The following WDR7 variants were observed in gnomAD, a reference collection of about 807,000 sequenced individuals.
WDR7 encodes WD repeat-containing protein 7.
A neutral mutation model predicts 169.4 loss-of-function variants in WDR7; 46 were observed. The ratio of observed to expected loss-of-function variants is 0.27; its 90% confidence interval spans 0.21 to 0.35. The LOEUF is 0.35. Among genes scored for constraint, WDR7 ranks in the 10% least tolerant of loss-of-function variants. The pLI is 1.00. For synonymous variants in WDR7, 612 were observed against 666.8 expected, an observed-to-expected ratio of 0.92 and a Z score of 1.27; for missense variants, 1,534 against 1,859.3, an observed-to-expected ratio of 0.83 and a Z score of 3.22.
intron 1 of WDR7, among the ~76,000 whole-genome samples, chr18:56,669,090 A>G (rs2025080316): frequency 6.6e-6 from 1 of 152,154 alleles, no homozygotes; most frequent in African/African-American, 2.4e-5. Flanking sequence ...TAGAAGGGCC[A>G]GGATTTGAAT....
intron 20 of WDR7, among the ~76,000 whole-genome samples, chr18:56,841,057 G>A (rs972598804): frequency 6.6e-6 from 1 of 151,814 alleles, no homozygotes; most frequent in Non-Finnish European, 1.5e-5. Context: ...GCTAGGCTTG[G>A]TGGTGGGCAC....
intron 19 of WDR7, among the ~76,000 whole-genome samples, chr18:56,804,561 A>T (rs1239183252): frequency 5.9e-5 from 9 of 152,224 alleles, no homozygotes; most frequent in African/African-American, 1.4e-4. Flanking sequence ...TCATATGGAT[A>T]TAACAGTTAT....
At chr18:56,658,816 G>A (rs2024836973) in intron 1 of WDR7, among the ~76,000 whole-genome samples, 1 of 151,988 alleles carries the variant, frequency 6.6e-6, no homozygotes, top group Admixed American at 6.6e-5. Context: ...GGGTTCAAGC[G>A]ATTCTCCTGC....
chr18:56,778,224 C>G (rs2044268226), intron 17 of WDR7, among the ~76,000 whole-genome samples: 1 of 152,126 alleles, frequency 6.6e-6, no homozygotes, highest in Non-Finnish European at 1.5e-5. Flanking sequence ...GTCAGTCTGT[C>G]TCTCTCCCGC....
At chr18:56,809,419 A>G (rs898069748) in intron 19 of WDR7, among the ~76,000 whole-genome samples, 5 of 152,168 alleles carry the variant, frequency 3.3e-5, no homozygotes, top group Non-Finnish European at 7.4e-5. Flanking sequence ...TATTTTGGAA[A>G]TACTCAGAAA....
intron 1 of WDR7, among the ~76,000 whole-genome samples, chr18:56,660,040 A>G (rs1310052826): frequency 2.0e-5 from 3 of 152,168 alleles, no homozygotes; most frequent in African/African-American, 7.2e-5. Flanking sequence ...TTGAAGGTAT[A>G]GCCAGTGGAG....
intron 1 of WDR7, among the ~76,000 whole-genome samples, chr18:56,672,268 T>A (rs2025152029): frequency 6.6e-6 from 1 of 152,218 alleles, no homozygotes; most frequent in South Asian, 2.1e-4. Flanking sequence ...TATTTCGTTA[T>A]TTCTTTCTTT....
intron 20 of WDR7, among the ~76,000 whole-genome samples, chr18:56,831,371 T>C (rs2045305200): frequency 6.6e-6 from 1 of 152,128 alleles, no homozygotes. Context: ...GGGGACTAGC[T>C]GGAATGAATA....
intron 21 of WDR7, among the ~76,000 whole-genome samples, chr18:56,915,886 G>A (rs1051992227): frequency 2.0e-5 from 3 of 152,142 alleles, no homozygotes; most frequent in Admixed American, 1.3e-4. Context: ...CTTGCCTCTA[G>A]CGAGGGACCC....
At chr18:56,826,322 G>A (rs1172392170) in intron 20 of WDR7, among the ~76,000 whole-genome samples, 2 of 111,608 alleles carry the variant, frequency 1.8e-5, no homozygotes, top group Non-Finnish European at 4.6e-5. Flanking sequence ...TGTCATACCT[G>A]TGAATGATTG....
intron 21 of WDR7, among the ~76,000 whole-genome samples, chr18:56,917,868 T>A (rs1193031564): frequency 1.3e-5 from 2 of 152,122 alleles, no homozygotes; most frequent in Non-Finnish European, 1.5e-5. Context: ...AAAAAAAAAG[T>A]ACAATTAAAG....
chr18:56,749,420 T>G (rs938706110), intron 14 of WDR7, among the ~76,000 whole-genome samples: 97 of 150,754 alleles, frequency 6.4e-4, no homozygotes, highest in African/African-American at 2.2e-3. Flanking sequence ...GTGTGTTAGA[T>G]TTGTAATATT....
chr18:56,947,305 C>A (rs886643680), intron 25 of WDR7, among the ~76,000 whole-genome samples: 15 of 152,176 alleles, frequency 9.9e-5, no homozygotes, highest in Admixed American at 9.8e-4. Flanking sequence ...TCTGTTGGTT[C>A]TTTCCCAGCT....
intron 21 of WDR7, among the ~76,000 whole-genome samples, chr18:56,884,556 C>G (rs2046159825): frequency 6.6e-6 from 1 of 152,132 alleles, no homozygotes; most frequent in African/African-American, 2.4e-5. Flanking sequence ...CTTTTGGGTT[C>G]TTGGTCATGA....
chr18:56,990,806 T>C (rs1312627790), intron 26 of WDR7, among the ~76,000 whole-genome samples: 1 of 152,210 alleles, frequency 6.6e-6, no homozygotes, highest in African/African-American at 2.4e-5. Flanking sequence ...CTGCAGCCTC[T>C]GTGCTCAGGC....
chr18:56,666,807 C>G (rs760066845), intron 1 of WDR7, among the ~76,000 whole-genome samples: 11 of 151,736 alleles, frequency 7.2e-5, no homozygotes, highest in Non-Finnish European at 1.5e-4. Flanking sequence ...GAGAGAGTTG[C>G]TAACAGACCT....
chr18:57,012,925 G>T (rs1787471), intron 26 of WDR7, among the ~76,000 whole-genome samples: 3,859 of 152,272 alleles, frequency 0.025, 174 homozygotes, highest in African/African-American at 0.089. Context: ...GATATGTAAA[G>T]ATTAAAAAGT....
rs1432687487 is a variant in WDR7, at chr18:56,651,416, G to A, written c.-180G>A. The A allele has an allele frequency of 1.3e-5, 2 of 153,492 alleles. No homozygotes were observed. The highest frequency in any genetic ancestry group is 2.9e-5 in the Non-Finnish European group (2 of 69,034). 9.5% of individuals were successfully genotyped at this position (153,492 alleles called of 1,614,324 possible). ...ACCGGCACCTTGCAGTATCACTGGG[G>A]AGACGGCGGCTGTATAGCGCTTGCC... On this transcript the variant is annotated 5_prime_UTR_variant, in exon 1 of 28. Coordinates refer to ENST00000254442, the MANE Select transcript of WDR7 (RefSeq NM_015285.3).
At chr18:56,682,306 G>A (rs1319143575) in intron 4 of WDR7, among the ~76,000 whole-genome samples, 1 of 152,096 alleles carries the variant, frequency 6.6e-6, no homozygotes, top group African/African-American at 2.4e-5. Context: ...ACCCACCTGA[G>A]CTTCCTTTTG....
Sources: gnomAD v4.1 joint callset for allele counts (sites outside exome capture counted in the v4.1 genomes callset) on GRCh38, gnomAD v4.1.1 for gene constraint, MANE v1.5 for transcripts, NCBI Gene and HGNC (gene_info 2026-07-23, HGNC 2026-07-21) for gene names.